Variants in SLC4A8 observed in about 807,000 individuals in gnomAD.
The protein encoded by SLC4A8 is electroneutral sodium bicarbonate exchanger 1.
In SLC4A8, 40 loss-of-function variants were observed where a neutral mutation model predicts 125.0. The ratio of observed to expected loss-of-function variants is 0.32; its 90% CI spans 0.25 to 0.42. SLC4A8 has a LOEUF of 0.42. Ranked by LOEUF, SLC4A8 falls within the 10% of genes least tolerant of loss-of-function variation. The probability of loss-of-function intolerance (pLI) is 1.00; values close to 1 mark genes in which losing one functional copy is unlikely to be tolerated. For missense variants in SLC4A8, 863 were observed against 1,355.1 expected (o/e 0.64, Z 5.70); for synonymous variants, 456 against 476.0 (o/e 0.96, Z 0.55).
chr12:51,466,372 G>C (rs1323850912), intron 11 of SLC4A8: 6 of 152,190 alleles, frequency 3.9e-5, no homozygotes, highest in Admixed American at 3.9e-4. Context: ...ATCAGGAGCT[G>C]CTATCTCGAT....
chr12:51,424,470 CCCTCATCCGCAATTACCT>C (rs1948891405), upstream of SLC4A8: 1 of 153,480 alleles, frequency 6.5e-6, no homozygotes, highest in African/African-American at 2.4e-5. Context: ...AGGCCCTCTC[CCCTCATCCGCAATTACCT>C]CCTCCTGCAA....
chr12:51,496,860 G>A, intron 21 of SLC4A8, 127 bp from the exon 22 acceptor site: 3 of 859,984 alleles, frequency 3.5e-6, no homozygotes, highest in Non-Finnish European at 5.4e-6. Flanking sequence ...AATGGTGACT[G>A]TTAGGATTAT....
At chr12:51,496,944 A>G in intron 21 of SLC4A8, 43 bp from the exon 22 acceptor site, 1 of 1,601,396 alleles carries the variant, frequency 6.2e-7, no homozygotes, top group Non-Finnish European at 8.5e-7. Flanking sequence ...CCAGGAAGGA[A>G]ATTAGTCCCT....
chr12:51,469,857 A>C, intron 12 of SLC4A8, 69 bp downstream of exon 12: 2 of 1,471,700 alleles, frequency 1.4e-6, no homozygotes, highest in Admixed American at 1.7e-5. Context: ...AGCCAGGTCC[A>C]CTGTGGGGGA....
At chr12:51,466,951 G>A (rs1270496824) in intron 11 of SLC4A8, among the ~76,000 whole-genome samples, 1 of 151,866 alleles carries the variant, frequency 6.6e-6, no homozygotes, top group African/African-American at 2.4e-5. Context: ...GTATGTGTGT[G>A]TGTGTGTGTG....
chr12:51,448,693 G>C (rs1187807168), intron 2 of SLC4A8, among the ~76,000 whole-genome samples: 1 of 152,124 alleles, frequency 6.6e-6, no homozygotes, highest in East Asian at 1.9e-4. Context: ...CCTGCAACGT[G>C]GTGGGCTCTC....
intron 22 of SLC4A8, chr12:51,502,403 A>G (rs1388607123): frequency 6.6e-6 from 1 of 151,658 alleles, no homozygotes; most frequent in East Asian, 2.0e-4. Flanking sequence ...GCCTGGGCTA[A>G]TTTTTGTATT....
intron 1 of SLC4A8, among the ~76,000 whole-genome samples, chr12:51,438,923 C>G (rs1205842160): frequency 6.6e-6 from 1 of 152,018 alleles, no homozygotes; most frequent in African/African-American, 2.4e-5. Context: ...ATTTGTTTGT[C>G]TTTTGAGAAT....
chr12:51,457,587 A>T, intron 6 of SLC4A8, 48 bp downstream of exon 6: 1 of 1,544,042 alleles, frequency 6.5e-7, no homozygotes, highest in Non-Finnish European at 8.8e-7. Context: ...AGACATTGGG[A>T]ACTAGTTGGA....
At chr12:51,453,437 A>G (rs970820229) in intron 4 of SLC4A8, 102 bp from the exon 5 acceptor site, 3 of 1,198,720 alleles carry the variant, frequency 2.5e-6, no homozygotes, top group Non-Finnish European at 3.6e-6. Flanking sequence ...AATGTTCAGT[A>G]TGACTATCCA....
intron 1 of SLC4A8, among the ~76,000 whole-genome samples, chr12:51,411,414 G>A (rs898248909): frequency 2.0e-5 from 3 of 151,884 alleles, no homozygotes; most frequent in Non-Finnish European, 4.4e-5. Flanking sequence ...ATAGCAAAAC[G>A]CCATCTCTAC....
intron 1 of SLC4A8, among the ~76,000 whole-genome samples, chr12:51,399,631 G>T (rs951513723): frequency 6.6e-6 from 1 of 152,170 alleles, no homozygotes; most frequent in Non-Finnish European, 1.5e-5. Flanking sequence ...AAACAGTTTT[G>T]GAGTGAGACC....
At chr12:51,504,476 G>A (rs1226064683) in intron 23 of SLC4A8, among the ~76,000 whole-genome samples, 3 of 152,202 alleles carry the variant, frequency 2.0e-5, no homozygotes, top group African/African-American at 4.8e-5. Flanking sequence ...CTAAGTCTTA[G>A]AGAGTTTTAG....
At chr12:51,393,270 T>C (rs1243759992) in intron 1 of SLC4A8, among the ~76,000 whole-genome samples, 1 of 152,110 alleles carries the variant, frequency 6.6e-6, no homozygotes, top group Non-Finnish European at 1.5e-5. Context: ...CAGCTAACTT[T>C]TTTTTGTAGA....
At chr12:51,492,640 G>A (rs1951348216) in intron 19 of SLC4A8, among the ~76,000 whole-genome samples, 1 of 152,176 alleles carries the variant, frequency 6.6e-6, no homozygotes, top group South Asian at 2.1e-4. Context: ...TCTACAGCTG[G>A]AACATAAAAT....
In SLC4A8 at chr12:51,424,916, G is replaced by C. The variant is rs950595218; in HGVS notation, c.-72G>C. ...GGTCGCCGTTCGAGTGATCTGCTCA[G>C]ACCCGACCAGAGGGCGCGGGCTGCT... On this transcript the variant is annotated 5_prime_UTR_variant, in exon 1 of 25. Transcript: ENST00000453097. 1.3e-6 allele frequency: 2 copies of C among 1,511,334 alleles called. No homozygotes were observed. The highest frequency in any genetic ancestry group is 1.4e-5 in the African/African-American group (1 of 72,288). 93.6% of individuals were successfully genotyped at this position (1,511,334 alleles called of 1,614,324 possible). A position where few individuals can be genotyped will look rare whatever the true frequency, so the allele number is the denominator to read the frequency against.
intron 1 of SLC4A8, among the ~76,000 whole-genome samples, chr12:51,408,741 G>A (rs1948541218): frequency 6.6e-6 from 1 of 152,168 alleles, no homozygotes; most frequent in African/African-American, 2.4e-5. Flanking sequence ...GTTGCATCTG[G>A]AGGGAAGGGT....
At chr12:51,450,010 C>T (rs1949911551) in intron 2 of SLC4A8, among the ~76,000 whole-genome samples, 1 of 152,020 alleles carries the variant, frequency 6.6e-6, no homozygotes, top group South Asian at 2.1e-4. Context: ...GCCTGGGTGA[C>T]AGAGTGAGAT....
upstream of SLC4A8, among the ~76,000 whole-genome samples, chr12:51,424,111 G>C (rs531187883): frequency 7.7e-5 from 11 of 143,394 alleles, no homozygotes; most frequent in Non-Finnish European, 1.4e-4. Flanking sequence ...TCTTTTTCTT[G>C]AGGAGAGAGG....
Sources: allele counts gnomAD v4.1 joint callset (sites outside exome capture counted in the v4.1 genomes callset), GRCh38; gene constraint gnomAD v4.1.1; transcripts MANE v1.5; gene names NCBI Gene and HGNC (gene_info 2026-07-23, HGNC 2026-07-21).